The following MAP3K13 variants were observed in gnomAD, a reference collection of about 807,000 sequenced individuals.
MAP3K13 encodes mitogen-activated protein kinase kinase kinase 13.
In MAP3K13, 52 loss-of-function variants were observed where a neutral mutation model predicts 104.0. The ratio of observed to expected loss-of-function variants is 0.50; its 90% CI spans 0.40 to 0.63. The LOEUF (loss-of-function observed/expected upper bound fraction) is 0.63. Ranked by LOEUF, MAP3K13 falls within the 20% of genes least tolerant of loss-of-function variation. The probability of loss-of-function intolerance (pLI) is 0.00; values close to 1 mark genes in which losing one functional copy is unlikely to be tolerated. For missense variants in MAP3K13, 914 were observed against 1,218.5 expected (o/e 0.75, Z 3.72); for synonymous variants, 394 against 442.2 (o/e 0.89, Z 1.37).
chr3:185,457,428 G>A (rs904823755), intron 7 of MAP3K13, among the ~76,000 whole-genome samples: 1 of 152,228 alleles, frequency 6.6e-6, no homozygotes, highest in Non-Finnish European at 1.5e-5. Flanking sequence ...CACCAGCAGA[G>A]TTGGTGTCTG....
At position 185,384,790 on chromosome 3, in the gene MAP3K13, A is replaced by G. The variant is rs981746591; in HGVS notation, c.-86+21422A>G. Among the ~76,000 whole-genome samples, 7 of 152,252 alleles carry G rather than the reference A, an allele frequency of 4.6e-5. No homozygotes were observed. The South Asian group carries it at 1.4e-3, about 32-fold the overall frequency. On this transcript the variant is annotated intron_variant, in intron 1 of 13. Transcript: ENST00000265026. ...ATTCAGATCCCTTGCCCACTTTGTA[A>G]TGGGATTATTATTATTAGTTTTTGT...
In MAP3K13 at chr3:185,437,640, G is replaced by T. The variant is rs1311168081; in HGVS notation, c.659+10G>T. 1.0e-5 allele frequency: 15 copies of T among 1,442,642 alleles called. No homozygotes were observed. The highest frequency in any genetic ancestry group is 1.4e-5 in the Non-Finnish European group (15 of 1,097,794). 89.4% of individuals were successfully genotyped at this position (1,442,642 alleles called of 1,614,324 possible). On this transcript the variant is annotated intron_variant, in intron 3 of 13. Transcript: ENST00000265026. The stretch of plus-strand genomic sequence containing the variant: ...ACATCATCGCATTCAAGTAGGTCAA[G>T]GCTTTTTTTTTTTAAGAAGTAGACC...
rs149817054 is a variant in MAP3K13, at chr3:185,451,163, T to C, written c.1170-124T>C. On this transcript the variant is annotated intron_variant, in intron 6 of 13. Coordinates refer to ENST00000265026, the MANE Select transcript of MAP3K13 (RefSeq NM_004721.5). The stretch of plus-strand genomic sequence containing the variant: ...GTTATGCTATCCTGATATAATGGAG[T>C]ACAGCTGGTTTTACTCAGATATAGC... 1.6e-5 allele frequency: 10 copies of C among 621,266 alleles called. No homozygotes were observed. The East Asian group carries it at 2.7e-4, about 17-fold the overall frequency. The allele number at this position is 621,266 out of a possible 1,614,324, so 38.5% of individuals were successfully genotyped here. A position where few individuals can be genotyped will look rare whatever the true frequency, so the allele number is the denominator to read the frequency against.
intron 2 of MAP3K13, among the ~76,000 whole-genome samples, chr3:185,339,903 A>AATAT (rs1722654137): frequency 6.6e-6 from 1 of 152,262 alleles, no homozygotes; most frequent in Admixed American, 6.5e-5. Context: ...GGGACTCTAA[A>AATAT]AATGATCATG....
chr3:185,337,049 A>G (rs1722531384), intron 2 of MAP3K13, among the ~76,000 whole-genome samples: 1 of 152,048 alleles, frequency 6.6e-6, no homozygotes, highest in African/African-American at 2.4e-5. Context: ...CTGTAATTTA[A>G]AGACTAAATC....
chr3:185,478,027 T>C (rs548264390), intron 12 of MAP3K13, among the ~76,000 whole-genome samples: 1 of 152,264 alleles, frequency 6.6e-6, no homozygotes, highest in African/African-American at 2.4e-5. Context: ...TAGATACAAT[T>C]ATATTGGAGT....
chr3:185,445,177 A>G (rs1437329841), intron 4 of MAP3K13, among the ~76,000 whole-genome samples: 1 of 152,192 alleles, frequency 6.6e-6, no homozygotes, highest in Non-Finnish European at 1.5e-5. Flanking sequence ...AGATTAGCCC[A>G]AAGTCATGGG....
chr3:185,459,324 A>G (rs1716956057), intron 7 of MAP3K13, among the ~76,000 whole-genome samples: 1 of 151,994 alleles, frequency 6.6e-6, no homozygotes. Context: ...AAGCCCCCCA[A>G]ATCTTGCTTC....
At position 185,437,514 on chromosome 3, in the gene MAP3K13, G is replaced by A. The variant is rs151066621; in HGVS notation, c.543G>A (p.Ala181=). Reference sequence around the variant, plus strand: ...GGCTGGGTAGTGGAGCCCAAGGAGCGGTCTTCTTGGGCAAGTTCCGGGCGG... The same window carrying A: ...GGCTGGGTAGTGGAGCCCAAGGAGCAGTCTTCTTGGGCAAGTTCCGGGCGG... The part of the protein sequence containing the change: ...LQWLGSGAQG[A]VFLGKFRAEE... Residue 181 remains alanine, a synonymous_variant, in exon 3 of 14, where the codon GCG becomes GCA. Transcript: ENST00000265026. 3.6e-5 allele frequency: 58 copies of A among 1,613,934 alleles called. No homozygotes were observed. In the South Asian group the frequency reaches 3.8e-4, roughly 11 times the overall value.
intron 1 of MAP3K13, among the ~76,000 whole-genome samples, chr3:185,392,443 A>G (rs1712118449): frequency 6.6e-6 from 1 of 152,212 alleles, no homozygotes; most frequent in Non-Finnish European, 1.5e-5. Flanking sequence ...ACAGGCAAGA[A>G]TTGGGAGAAG....
chr3:185,321,146 TATATGCGTGCACACAC>T (rs1001872849), intron 2 of MAP3K13, among the ~76,000 whole-genome samples: 108 of 149,608 alleles, frequency 7.2e-4, no homozygotes, highest in Middle Eastern at 3.4e-3. Context: ...GTATATTACA[TATATGCGTGCACACAC>T]ATATGCGTGC....
rs762338564 is a variant in MAP3K13, at chr3:185,428,827, C to G, written c.246C>G (p.Asn82Lys). 8 of 1,614,140 alleles carry G rather than the reference C, an allele frequency of 5.0e-6. No individual in the cohort carries two copies. Among genetic ancestry groups the G allele is most frequent in the East Asian group, 2.2e-5 (1 of 44,874 alleles). Residue 82 changes from asparagine (N) to lysine (K), a missense_variant, in exon 2 of 14, where the codon AAC becomes AAG. Physicochemically the swap from Asn to Lys is moderately conservative, Grantham distance 94 (BLOSUM62 0). Coordinates refer to ENST00000265026, the MANE Select transcript of MAP3K13 (RefSeq NM_004721.5). ...VSEDSRDQFE[N>K]SVLQLREHDE... ...AGGATTCCAGGGACCAGTTTGAGAACAGCGTTCTTCAGCTAAGGGAACACG... is the reference window on the plus strand; with the variant it reads ...AGGATTCCAGGGACCAGTTTGAGAAGAGCGTTCTTCAGCTAAGGGAACACG...
rs1197173522 is a variant in MAP3K13 at position 185,291,891 on chromosome 3, G to C, written c.-86+6248G>C. ...CGTTCCTTTAGACTAGAGCCAAGGAGACAGTGCTTTCCAAAAAAAAAAAAA... is the reference window on the plus strand; with the variant it reads ...CGTTCCTTTAGACTAGAGCCAAGGACACAGTGCTTTCCAAAAAAAAAAAAA... On this transcript the variant is annotated intron_variant, in intron 2 of 14. Coordinates refer to the MAP3K13 transcript ENST00000424227. 6 of 1,000,136 alleles carry C rather than the reference G, an allele frequency of 6.0e-6. No individual in the cohort carries two copies. The African/African-American group carries it at 8.2e-5, about 14-fold the overall frequency. The allele number at this position is 1,000,136 out of a possible 1,614,324, so 62.0% of individuals were successfully genotyped here.
chr3:185,414,777 T>C (rs1325526330), intron 1 of MAP3K13, among the ~76,000 whole-genome samples: 1 of 152,222 alleles, frequency 6.6e-6, no homozygotes, highest in Non-Finnish European at 1.5e-5. Flanking sequence ...ATGTATTATA[T>C]ATTAATATCT....
intron 1 of MAP3K13, among the ~76,000 whole-genome samples, chr3:185,368,113 A>T (rs946756821): frequency 6.6e-6 from 1 of 152,130 alleles, no homozygotes; most frequent in Admixed American, 6.6e-5. Flanking sequence ...GTGAGCCTTG[A>T]TTATGCCACT....
chr3:185,288,406 T>A (rs192360044), intron 2 of MAP3K13, among the ~76,000 whole-genome samples: 433 of 150,530 alleles, frequency 2.9e-3, no homozygotes, highest in Non-Finnish European at 4.7e-3. Flanking sequence ...ATATATATAT[T>A]TATATAGAGA....
At chr3:185,421,125 C>T (rs779824881) in intron 1 of MAP3K13, among the ~76,000 whole-genome samples, 24 of 152,086 alleles carry the variant, frequency 1.6e-4, no homozygotes, top group Non-Finnish European at 2.1e-4. Flanking sequence ...CAGACCTTCC[C>T]GGAGTACTTT....
At chr3:185,431,558 A>T (rs559243271) in intron 2 of MAP3K13, among the ~76,000 whole-genome samples, 1 of 152,288 alleles carries the variant, frequency 6.6e-6, no homozygotes, top group Admixed American at 6.5e-5. Context: ...AAATGATTAA[A>T]TTTTTATGAG....
At chr3:185,357,224 C>T (rs1276633369) in intron 2 of MAP3K13, among the ~76,000 whole-genome samples, 1 of 151,512 alleles carries the variant, frequency 6.6e-6, no homozygotes, top group Non-Finnish European at 1.5e-5. Context: ...GCGGGCGGAT[C>T]ACCTGAGGTC....
Sources: gnomAD v4.1 joint callset for allele counts (sites outside exome capture counted in the v4.1 genomes callset) on GRCh38, gnomAD v4.1.1 for gene constraint, MANE v1.5 for transcripts, NCBI Gene and HGNC (gene_info 2026-07-23, HGNC 2026-07-21) for gene names.